The following RNF130 variants were observed in gnomAD, a reference collection of about 807,000 sequenced individuals.
The protein encoded by RNF130 is E3 ubiquitin-protein ligase RNF130.
RNF130 carries 21 observed loss-of-function variants against 44.6 expected under a neutral mutation model. That is an observed-to-expected ratio of 0.47 (90% CI 0.33 to 0.68). The LOEUF is 0.68. Among genes scored for constraint, RNF130 ranks in the 30% least tolerant of loss-of-function variants. The pLI is 0.02. For synonymous variants in RNF130, 214 were observed against 210.4 expected (o/e 1.02, Z -0.15); for missense variants, 479 against 560.6 (o/e 0.85, Z 1.47).
At chr5:180,007,426 T>C (rs574600435) in intron 3 of RNF130, among the ~76,000 whole-genome samples, 38 of 152,236 alleles carry the variant, frequency 2.5e-4, no homozygotes, top group African/African-American at 8.4e-4. Flanking sequence ...AAACAGTTTG[T>C]GAGAGAAAAT....
chr5:180,038,465 G>A (rs560152520), intron 2 of RNF130, among the ~76,000 whole-genome samples: 1 of 150,500 alleles, frequency 6.6e-6, no homozygotes, highest in South Asian at 2.1e-4. Flanking sequence ...TGGATTATAG[G>A]ATTACAGGTG....
Position 180,013,327 on chromosome 5 carries a change from A to C in RNF130, c.443-16T>G. On this transcript the variant is annotated splice_polypyrimidine_tract_variant and intron_variant, in intron 2 of 8. Transcript: ENST00000521389. ...TCTCCAGTGCCTGCAATATAAAATA[A>C]ATATATAACTCAAGTGACATTTAAA... is the stretch of plus-strand genomic sequence containing the variant. 1 of 1,584,372 alleles carries C rather than the reference A, an allele frequency of 6.3e-7. No individual in the cohort carries two copies. Among genetic ancestry groups the C allele is most frequent in the Non-Finnish European group, 8.6e-7 (1 of 1,165,210 alleles).
intron 3 of RNF130, among the ~76,000 whole-genome samples, chr5:180,008,195 A>G (rs1763506176): frequency 6.6e-6 from 1 of 151,936 alleles, no homozygotes; most frequent in African/African-American, 2.4e-5. Context: ...GACCCCAGAA[A>G]AAGCCGAGAA....
chr5:180,014,346 T>C (rs746757183), intron 2 of RNF130, among the ~76,000 whole-genome samples: 1 of 152,228 alleles, frequency 6.6e-6, no homozygotes, highest in African/African-American at 2.4e-5. Flanking sequence ...CTATCAGCGA[T>C]TGTCCTTTCA....
At chr5:179,948,636 A>G (rs948471232) in intron 7 of RNF130, among the ~76,000 whole-genome samples, 1 of 152,190 alleles carries the variant, frequency 6.6e-6, no homozygotes, top group Admixed American at 6.5e-5. Context: ...ACGCCACTGC[A>G]TTCCAGCCTG....
chr5:179,935,108 G>T (rs1761870090), intron 7 of RNF130, among the ~76,000 whole-genome samples: 1 of 152,098 alleles, frequency 6.6e-6, no homozygotes, highest in Non-Finnish European at 1.5e-5. Flanking sequence ...TTTGATTCAT[G>T]ACTTTTTCTT....
At chr5:180,017,058 C>T (rs980539756) in intron 2 of RNF130, among the ~76,000 whole-genome samples, 11 of 152,116 alleles carry the variant, frequency 7.2e-5, no homozygotes, top group Admixed American at 6.5e-4. Context: ...TCGGGGCTGT[C>T]GGCATCATGC....
intron 8 of RNF130, among the ~76,000 whole-genome samples, chr5:179,958,120 G>A (rs1016641607): frequency 1.1e-4 from 16 of 152,126 alleles, no homozygotes; most frequent in Admixed American, 6.5e-5. Flanking sequence ...CTCGTGATCC[G>A]CCCGCCTCGG....
chr5:179,948,270 A>C (rs1445405189), intron 7 of RNF130, among the ~76,000 whole-genome samples: 1 of 152,232 alleles, frequency 6.6e-6, no homozygotes, highest in Non-Finnish European at 1.5e-5. Context: ...GTACACCCTA[A>C]GTGATCAGGA....
At chr5:179,949,379 C>A (rs1253916833) in intron 7 of RNF130, among the ~76,000 whole-genome samples, 1 of 151,752 alleles carries the variant, frequency 6.6e-6, no homozygotes, top group African/African-American at 2.4e-5. Flanking sequence ...ATCTTCCTGC[C>A]TCCTGAGTAG....
At chr5:179,937,113 T>C (rs1761900135) in intron 7 of RNF130, among the ~76,000 whole-genome samples, 2 of 148,882 alleles carry the variant, frequency 1.3e-5, no homozygotes, top group African/African-American at 5.1e-5. Context: ...AAACGAAATA[T>C]CATCAAAACG....
chr5:179,948,484 A>C (rs10042725), intron 7 of RNF130, among the ~76,000 whole-genome samples: 196 of 152,298 alleles, frequency 1.3e-3, no homozygotes, highest in African/African-American at 4.4e-3. Context: ...AGCCTAGCCA[A>C]CATGGTGAAA....
intron 7 of RNF130, among the ~76,000 whole-genome samples, chr5:179,946,606 T>G (rs1307557086): frequency 1.1e-4 from 17 of 149,550 alleles, no homozygotes; most frequent in Non-Finnish European, 1.8e-4. Flanking sequence ...CAGGCTGGAG[T>G]GCAGTGGTGT....
chr5:180,029,446 A>G (rs1764070853), intron 2 of RNF130, among the ~76,000 whole-genome samples: 1 of 152,020 alleles, frequency 6.6e-6, no homozygotes, highest in Non-Finnish European at 1.5e-5. Context: ...TTCAAAGGGA[A>G]AACAGAAAGT....
intron 1 of RNF130, among the ~76,000 whole-genome samples, chr5:180,057,884 G>T (rs1010777960): frequency 1.3e-5 from 2 of 152,190 alleles, no homozygotes; most frequent in East Asian, 3.8e-4. Flanking sequence ...ACAGATGTGT[G>T]GGTACCCTTT....
chr5:179,928,840 AG>A (rs546482837), intron 7 of RNF130, among the ~76,000 whole-genome samples: 1 of 152,090 alleles, frequency 6.6e-6, no homozygotes, highest in Non-Finnish European at 1.5e-5. Flanking sequence ...CGTGTTAGCC[AG>A]GATGGTCTCA....
intron 3 of RNF130, among the ~76,000 whole-genome samples, chr5:179,997,989 G>A (rs1332100511): frequency 4.6e-5 from 7 of 151,332 alleles, no homozygotes; most frequent in Admixed American, 2.0e-4. Flanking sequence ...CTACAGGTGC[G>A]CGCCACCACA....
rs373266260 is a variant in RNF130, at chr5:179,924,364, G to A, written c.1151-3938C>T. On this transcript the variant is annotated intron_variant, in intron 7 of 7. Transcript: ENST00000522208. Reference sequence around the variant, plus strand: ...CACAAAATTAGCCAGACATGGTGGCGCATGGCTGTAATCCCAGCTACTCGG... The same window carrying A: ...CACAAAATTAGCCAGACATGGTGGCACATGGCTGTAATCCCAGCTACTCGG... Among the ~76,000 whole-genome samples the A allele has an allele frequency of 6.6e-5, 10 of 150,920 alleles. No homozygotes were observed. In the East Asian group the frequency reaches 1.2e-3, roughly 18 times the overall value.
intron 6 of RNF130, among the ~76,000 whole-genome samples, chr5:179,969,189 C>T (rs1010245920): frequency 6.6e-6 from 1 of 152,098 alleles, no homozygotes; most frequent in Non-Finnish European, 1.5e-5. Context: ...CCTGGCTATA[C>T]ATGCTTCTCT....
Sources: allele counts gnomAD v4.1 joint callset (sites outside exome capture counted in the v4.1 genomes callset), GRCh38; gene constraint gnomAD v4.1.1; transcripts MANE v1.5; gene names NCBI Gene and HGNC (gene_info 2026-07-23, HGNC 2026-07-21).